The following KIAA1210 variants were observed in gnomAD, a reference collection of about 807,000 sequenced individuals.
KIAA1210 encodes KIAA1210.
A neutral mutation model predicts 78.9 loss-of-function variants in KIAA1210; 48 were observed. The ratio of observed to expected loss-of-function variants is 0.61; its 90% confidence interval spans 0.48 to 0.77. The LOEUF (loss-of-function observed/expected upper bound fraction) is 0.77, where lower values mean the gene tolerates loss of function less well. Ranked by LOEUF, KIAA1210 falls within the 30% of genes least tolerant of loss-of-function variation. The probability of loss-of-function intolerance (pLI) is 0.00; values close to 1 mark genes in which losing one functional copy is unlikely to be tolerated. For synonymous variants in KIAA1210, 406 were observed against 404.5 expected, an observed-to-expected ratio of 1.00 and a Z score of -0.04; for missense variants, 1,108 against 1,100.0, an observed-to-expected ratio of 1.01 and a Z score of -0.10.
At chrX:119,115,067 T>C (rs1657878345) in intron 3 of KIAA1210, among the ~76,000 whole-genome samples, 1 of 111,628 alleles carries the variant, frequency 9.0e-6, no homozygotes, top group Non-Finnish European at 1.9e-5. Flanking sequence ...AGTTTCGTTA[T>C]GACTAATTGC....
chrX:119,087,166 G>A lies in KIAA1210; in HGVS notation c.3536C>T (p.Pro1179Leu), dbSNP rs369538964. The A allele has an allele frequency of 2.0e-4, 246 of 1,210,087 alleles. 1 individual carries two copies. The highest frequency in any genetic ancestry group is 2.6e-4 in the Non-Finnish European group (231 of 895,167). The part of the protein sequence containing the change: ...QMSSKGPVNV[P>L]VKQSSGEKHL... ...CTTCTCACCGCTGCTCTGCTTTACA[G>A]GTACATTCACTGGGCCCTTTGATGA... Residue 1179 changes from proline (P) to leucine (L), a missense_variant, in exon 9 of 12, where the codon CCT becomes CTT. Coordinates refer to ENST00000691062, the MANE Select transcript of KIAA1210 (RefSeq NM_001394962.1).
intron 5 of KIAA1210, among the ~76,000 whole-genome samples, chrX:119,105,752 G>A (rs763552748): frequency 4.1e-4 from 46 of 111,499 alleles, no homozygotes; most frequent in Non-Finnish European, 5.8e-4. Context: ...TTTCCTAAAG[G>A]GACAAAAATT....
intron 9 of KIAA1210, among the ~76,000 whole-genome samples, 175 bp from the exon 10 acceptor site, chrX:119,085,721 A>G (rs1927111601): frequency 8.9e-6 from 1 of 112,436 alleles, no homozygotes; most frequent in African/African-American, 3.2e-5. Flanking sequence ...ATAGCTTGGC[A>G]AGGCAGGAGT....
Position 119,150,314 on chromosome X carries a change from C to T in KIAA1210, c.266G>A (p.Arg89Gln), listed in dbSNP as rs949388375. ...ACCCCTGCACCAAGTGGTAGGGAAT[C>T]GCGGTGTGCAGGGCAGGAAGCCCCG... The change falls in exon 1 of 14, where the codon CGA (arginine) becomes CAA (glutamine). Residue 89 changes from arginine (R) to glutamine (Q), a missense_variant. Transcript: ENST00000402510. The T allele has an allele frequency of 6.6e-6, 8 of 1,204,263 alleles. No homozygotes were observed. The African/African-American group carries it at 8.8e-5, about 13-fold the overall frequency.
At chrX:119,084,782 C>G (rs896742186) in intron 10 of KIAA1210, among the ~76,000 whole-genome samples, 3 of 112,330 alleles carry the variant, frequency 2.7e-5, no homozygotes, top group Non-Finnish European at 3.8e-5. Flanking sequence ...AAATGACTTA[C>G]TCCTTATTTC....
intron 7 of KIAA1210, among the ~76,000 whole-genome samples, chrX:119,096,044 C>CTAAGT (rs1804958539): frequency 8.9e-6 from 1 of 111,884 alleles, no homozygotes; most frequent in South Asian, 3.8e-4. Flanking sequence ...GGGTTAACAA[C>CTAAGT]TAAGTTCTGG....
rs371456695 is a variant in KIAA1210, at chrX:119,109,200, G to A, written c.233C>T (p.Ala78Val). Residue 78 changes from alanine to valine, a missense_variant and splice_region_variant, in exon 4 of 12, where the codon GCC becomes GTC. Physicochemically the swap from Ala to Val is moderately conservative, Grantham distance 64. Transcript: ENST00000691062. ...GGCTTTGCTCCCCATGCTGCTCTTG[G>A]CCCTGGACAGAAAGGAAAGGTCTTG... ...VRENQPTKARAKSSMGSKALS... is the reference protein window; with the variant it reads ...VRENQPTKARVKSSMGSKALS... 2.5e-6 allele frequency: 3 copies of A among 1,193,946 alleles called. No homozygotes were observed. The African/African-American group carries it at 5.3e-5, about 21-fold the overall frequency.
intron 2 of KIAA1210, among the ~76,000 whole-genome samples, chrX:119,135,394 T>C (rs1438491325): frequency 8.9e-6 from 1 of 111,829 alleles, no homozygotes; most frequent in Non-Finnish European, 1.9e-5. Context: ...TAGATACATA[T>C]ATTGTGATGA....
At chrX:119,128,004 T>C (rs1278962071), upstream of KIAA1210, among the ~76,000 whole-genome samples, 3 of 111,666 alleles carry the variant, frequency 2.7e-5, no homozygotes, top group Non-Finnish European at 3.8e-5. Context: ...TTTTGAAATG[T>C]AGCACTGCAG....
At chrX:119,113,873 G>T (rs1403259128) in intron 3 of KIAA1210, among the ~76,000 whole-genome samples, 1 of 111,448 alleles carries the variant, frequency 9.0e-6, no homozygotes, top group Admixed American at 9.6e-5. Flanking sequence ...CATACTAAGT[G>T]AAACAACCTT....
intron 1 of KIAA1210, among the ~76,000 whole-genome samples, chrX:119,126,028 G>T (rs1356464892): frequency 2.8e-5 from 3 of 106,665 alleles, no homozygotes; most frequent in African/African-American, 1.0e-4. Context: ...TCTCCTTGAG[G>T]TCTTGATGTA....
intron 2 of KIAA1210, among the ~76,000 whole-genome samples, chrX:119,140,398 A>G (rs1929021009): frequency 9.1e-6 from 1 of 109,368 alleles, no homozygotes; most frequent in South Asian, 4.1e-4. Flanking sequence ...GTGTGGTGGC[A>G]TGCGGCTGTA....
At chrX:119,120,726 C>T (rs190558456) in intron 2 of KIAA1210, among the ~76,000 whole-genome samples, 1 of 111,946 alleles carries the variant, frequency 8.9e-6, no homozygotes, top group Admixed American at 9.5e-5. Flanking sequence ...ATAGCTAAAG[C>T]AATGGGTGTC....
rs1030963494 is a variant in KIAA1210, at chrX:119,123,620, A to G, written c.23T>C (p.Ile8Thr). 5.8e-6 allele frequency: 7 copies of G among 1,203,358 alleles called. No individual in the cohort carries two copies. Among genetic ancestry groups the G allele is most frequent in the Non-Finnish European group, 7.9e-6 (7 of 890,380 alleles). MAESLSE[I>T]SDSLDVLEAG... ...CTCCAGAACATCCAGACTGTCAGAAATTTCACTTAGTGATTCAGCCATTGT... is the reference window on the plus strand; with the variant it reads ...CTCCAGAACATCCAGACTGTCAGAAGTTTCACTTAGTGATTCAGCCATTGT... The change falls in exon 2 of 12, where the codon ATT (isoleucine) becomes ACT (threonine). Residue 8 changes from isoleucine to threonine, a missense_variant. Ile to Thr is a moderately conservative substitution (Grantham distance 89). Coordinates refer to ENST00000691062, the MANE Select transcript of KIAA1210 (RefSeq NM_001394962.1).
intron 6 of KIAA1210, among the ~76,000 whole-genome samples, chrX:119,102,554 A>G (rs917631126): frequency 5.4e-5 from 6 of 110,383 alleles, no homozygotes; most frequent in African/African-American, 2.0e-4. Flanking sequence ...TTAAAAAAAA[A>G]AAAGATGGCT....
chrX:119,086,524 T>A (rs1927138489), intron 9 of KIAA1210, 22 bp downstream of exon 9: 1 of 1,165,225 alleles, frequency 8.6e-7, no homozygotes, highest in African/African-American at 1.8e-5. Flanking sequence ...CTGCTTGCCA[T>A]CTGGAGAGAT....
intron 8 of KIAA1210, among the ~76,000 whole-genome samples, chrX:119,090,545 C>T (rs1267107006): frequency 9.2e-6 from 1 of 108,678 alleles, no homozygotes; most frequent in East Asian, 2.9e-4. Flanking sequence ...GCTGGGATTA[C>T]AGGCATGAGC....
In KIAA1210 at chrX:119,095,434, G is replaced by A. The variant is rs1446024332; in HGVS notation, c.846+1060C>T. On this transcript the variant is annotated intron_variant, in intron 7 of 11. Transcript: ENST00000691062. ...TAAACGGAGTTTTGCTCTTGTCCAGGCTATAGTGCAATGACACAATCTCGG... is the reference window on the plus strand; with the variant it reads ...TAAACGGAGTTTTGCTCTTGTCCAGACTATAGTGCAATGACACAATCTCGG... Among the ~76,000 whole-genome samples, 5 of 110,797 alleles carry A rather than the reference G, an allele frequency of 4.5e-5. No individual in the cohort carries two copies. The Admixed American group carries it at 4.8e-4, about 11-fold the overall frequency.
chrX:119,101,839 C>G (rs933949503), intron 6 of KIAA1210, among the ~76,000 whole-genome samples: 1 of 111,815 alleles, frequency 8.9e-6, no homozygotes, highest in South Asian at 3.8e-4. Context: ...ATATGACATC[C>G]TAGCTATACC....
Sources: gnomAD v4.1 joint callset for allele counts (sites outside exome capture counted in the v4.1 genomes callset) on GRCh38, gnomAD v4.1.1 for gene constraint, MANE v1.5 for transcripts, NCBI Gene and HGNC (gene_info 2026-07-23, HGNC 2026-07-21) for gene names.